OPTC: variants seen among roughly 807,000 people sequenced by gnomAD.
OPTC encodes the protein oculoglycan.
OPTC carries 22 observed loss-of-function variants against 25.4 expected under a neutral mutation model. The observed-to-expected ratio is 0.87, with a 90% confidence interval of 0.62 to 1.24. The LOEUF (loss-of-function observed/expected upper bound fraction) is 1.24. Among genes scored for constraint, OPTC ranks in the 50% most tolerant of loss-of-function variants. The pLI is 0.00. For missense variants in OPTC, 417 were observed against 425.2 expected (o/e 0.98, Z 0.17); for synonymous variants, 169 against 179.3 (o/e 0.94, Z 0.46).
Position 203,498,829 on chromosome 1 carries a change from C to A in OPTC, c.519C>A (p.Phe173Leu). Residue 173 changes from phenylalanine (F) to leucine (L), a missense_variant, in exon 4 of 8, where the codon TTC (phenylalanine) becomes TTA (leucine). By Grantham distance (22) the Phe-to-Leu change is conservative. Transcript: ENST00000367222. Reference sequence around the variant, plus strand: ...TCAGCCGTATCAGGGCCGAAGACTTCAAAGGGCTGAGTATGTAATGCCCTG... The same window carrying A: ...TCAGCCGTATCAGGGCCGAAGACTTAAAAGGGCTGAGTATGTAATGCCCTG... ...NRISRIRAED[F>L]KGLTKLKRID... 1 of 1,613,932 alleles carries A rather than the reference C, an allele frequency of 6.2e-7. No homozygotes were observed. The highest frequency in any genetic ancestry group is 1.3e-5 in the African/African-American group (1 of 75,054).
chr1:203,498,924 T>C lies in OPTC; in HGVS notation c.529+85T>C, dbSNP rs968825617. 3.6e-5 allele frequency: 52 copies of C among 1,459,046 alleles called. No homozygotes were observed. The East Asian group carries it at 1.2e-3, about 33-fold the overall frequency. 90.4% of individuals were successfully genotyped at this position (1,459,046 alleles called of 1,614,324 possible). On this transcript the variant is annotated intron_variant, in intron 4 of 7. Transcript: ENST00000367222. ...AGGACAGTCACCAACACTGTGTTAG[T>C]GCCCCCCGTGTTAGCTCTTTCCTGT...
intron 5 of OPTC, among the ~76,000 whole-genome samples, chr1:203,502,462 T>C (rs565569492): frequency 8.2e-4 from 125 of 152,278 alleles, no homozygotes; most frequent in Middle Eastern, 3.4e-3. Flanking sequence ...TTGGAGGGTT[T>C]ATTGGAGACA....
At chr1:203,506,352 T>C (rs1661487449) in intron 7 of OPTC, among the ~76,000 whole-genome samples, 1 of 151,988 alleles carries the variant, frequency 6.6e-6, no homozygotes, top group Admixed American at 6.6e-5. Flanking sequence ...GGTTTCTCCA[T>C]GTTGGTCAGG....
intron 7 of OPTC, among the ~76,000 whole-genome samples, chr1:203,505,505 A>C (rs1419531865): frequency 3.3e-5 from 5 of 152,198 alleles, no homozygotes; most frequent in African/African-American, 4.8e-5. Context: ...CGTGGAAAGG[A>C]ATCCATGTAT....
intron 5 of OPTC, among the ~76,000 whole-genome samples, chr1:203,501,505 G>T (rs114900462): frequency 6.6e-6 from 1 of 152,216 alleles, no homozygotes; most frequent in Admixed American, 6.5e-5. Flanking sequence ...ATAGGGCTAG[G>T]AAGAGCCCCG....
Position 203,498,796 on chromosome 1 carries a change from C to T in OPTC, c.486C>T (p.Phe162=), listed in dbSNP as rs559635109. 150 of 1,614,042 alleles carry T rather than the reference C, an allele frequency of 9.3e-5. No individual in the cohort carries two copies. In the South Asian group the frequency reaches 1.6e-3, roughly 17 times the overall value. ...GGACTGCCTACCTGTATGCACGCTT[C>T]AACCGCATCAGCCGTATCAGGGCCG... ...PRRTAYLYAR[F]NRISRIRAED... The change falls in exon 4 of 8, where the codon TTC becomes TTT. Residue 162 remains phenylalanine (F), a synonymous_variant. Transcript: ENST00000367222.
intron 4 of OPTC, 115 bp from the exon 5 acceptor site, chr1:203,499,534 T>C: frequency 5.6e-6 from 5 of 885,302 alleles, no homozygotes; most frequent in Admixed American, 1.7e-5. Context: ...GGAGAGCTGG[T>C]TAGAATCCCC....
At position 203,494,194 on chromosome 1, in the gene OPTC, C is replaced by T. The variant is rs1448236317; in HGVS notation, c.-65C>T. 2 of 152,228 alleles carry T rather than the reference C, an allele frequency of 1.3e-5. No homozygotes were observed. Among genetic ancestry groups the T allele is most frequent in the African/African-American group, 2.4e-5 (1 of 41,424 alleles). 9.4% of individuals were successfully genotyped at this position (152,228 alleles called of 1,614,324 possible). ...TTCTGGAAGCTGCAGGGCTCTCCAT[C>T]CAGGATCCAGAAGCATTGAAGGGGT... On this transcript the variant is annotated 5_prime_UTR_variant, in exon 1 of 8. Transcript: ENST00000367222.
In OPTC at chr1:203,503,758, C is replaced by T. The variant is rs376138349; in HGVS notation, c.*25+13C>T. On this transcript the variant is annotated intron_variant, in intron 7 of 7. Transcript: ENST00000367222. ...CCACTCCTCCCAGGTAAGAACCCTCCAAGGACCATGCAGGCATGGGCCTCC... is the reference window on the plus strand; with the variant it reads ...CCACTCCTCCCAGGTAAGAACCCTCTAAGGACCATGCAGGCATGGGCCTCC... The T allele has an allele frequency of 1.3e-6, 2 of 1,594,356 alleles. No homozygotes were observed. The highest frequency in any genetic ancestry group is 2.7e-5 in the African/African-American group (2 of 74,746).
At chr1:203,495,925 G>C in intron 1 of OPTC, 40 bp from the exon 2 acceptor site, 2 of 909,880 alleles carry the variant, frequency 2.2e-6, no homozygotes, top group Non-Finnish European at 3.5e-6. Context: ...TGGAGAGCCT[G>C]TCCCTCAGAT....
rs1558239271 is a variant in OPTC at position 203,502,901 on chromosome 1, G to T, written c.733-13G>T. The T allele has an allele frequency of 1.2e-6, 2 of 1,610,958 alleles. No homozygotes were observed. The highest frequency in any genetic ancestry group is 2.2e-5 in the East Asian group (1 of 44,872). On this transcript the variant is annotated splice_polypyrimidine_tract_variant and intron_variant, in intron 5 of 7. Transcript: ENST00000367222. The stretch of plus-strand genomic sequence containing the variant: ...GACCCACCAGCCTCCTACACTCTTT[G>T]CTTTCTCCACAGGCAATGGAGAAGC...
At chr1:203,508,513 G>A (rs116245218) in intron 7 of OPTC, 133 bp from the exon 8 acceptor site, 8,985 of 152,064 alleles carry the variant, frequency 0.059, 429 homozygotes, top group Non-Finnish European at 0.086. Flanking sequence ...CAGACCAGAC[G>A]GGGAGGTGGC....
intron 5 of OPTC, among the ~76,000 whole-genome samples, chr1:203,501,726 A>C (rs2102223190): frequency 6.6e-6 from 1 of 152,184 alleles, no homozygotes; most frequent in African/African-American, 2.4e-5. Context: ...TCCTGTCTGC[A>C]GTGGTCTTTG....
intron 5 of OPTC, among the ~76,000 whole-genome samples, chr1:203,500,330 A>C (rs1571598918): frequency 8.5e-5 from 3 of 35,116 alleles, no homozygotes; most frequent in African/African-American, 1.2e-4. Flanking sequence ...TCTACCACCC[A>C]CCTCCACCTC....
intron 5 of OPTC, among the ~76,000 whole-genome samples, chr1:203,500,546 C>T (rs1253958870): frequency 6.6e-6 from 1 of 151,810 alleles, no homozygotes; most frequent in Non-Finnish European, 1.5e-5. Context: ...CCACTGTTTT[C>T]ATCCTTTTAA....
chr1:203,506,296 C>T (rs980725162), intron 7 of OPTC, among the ~76,000 whole-genome samples: 2 of 151,924 alleles, frequency 1.3e-5, no homozygotes, highest in Middle Eastern at 3.4e-3. Context: ...GGATTACAGG[C>T]ATGCGCCACC....
chr1:203,494,236 G>C lies in OPTC; in HGVS notation c.-42+19G>C, dbSNP rs1327429522. On this transcript the variant is annotated intron_variant, in intron 1 of 7. Coordinates refer to ENST00000367222, the MANE Select transcript of OPTC (RefSeq NM_014359.4). ...TGAAGGGGTAAGGCTCAAGGTTGAG[G>C]CCTCTGGCCATCGGTGCGCAAATGA... 1 of 152,242 alleles carries C rather than the reference G, an allele frequency of 6.6e-6. No individual in the cohort carries two copies. Among genetic ancestry groups the C allele is most frequent in the African/African-American group, 2.4e-5 (1 of 41,434 alleles). 9.4% of individuals were successfully genotyped at this position (152,242 alleles called of 1,614,324 possible).
At chr1:203,499,986 C>T in intron 5 of OPTC, 135 bp downstream of exon 5, 4 of 691,040 alleles carry the variant, frequency 5.8e-6, no homozygotes, top group South Asian at 1.6e-5. Context: ...TCCACCATCA[C>T]CCACCTCTAC....
intron 7 of OPTC, among the ~76,000 whole-genome samples, chr1:203,506,752 A>T (rs1661496853): frequency 6.6e-6 from 1 of 152,240 alleles, no homozygotes; most frequent in Admixed American, 6.5e-5. Context: ...AGGCTTCTGA[A>T]AGGGGAGAGG....
Sources: gnomAD v4.1 joint callset for allele counts (sites outside exome capture counted in the v4.1 genomes callset) on GRCh38, gnomAD v4.1.1 for gene constraint, MANE v1.5 for transcripts, NCBI Gene and HGNC (gene_info 2026-07-23, HGNC 2026-07-21) for gene names.